The following DNAH11 variants were observed in gnomAD, a reference collection of about 807,000 sequenced individuals.
The protein encoded by DNAH11 is dynein axonemal heavy chain 11.
Under a neutral mutation model 526.0 loss-of-function variants are expected in DNAH11, and 442 were observed. The ratio of observed to expected loss-of-function variants is 0.84; its 90% CI spans 0.78 to 0.91. The LOEUF (loss-of-function observed/expected upper bound fraction) is 0.91, where lower values mean the gene tolerates loss of function less well. Ranked by LOEUF, DNAH11 falls within the 40% of genes least tolerant of loss-of-function variation. DNAH11 has a pLI of 0.00. For missense variants in DNAH11, 6,989 were observed against 5,448.7 expected (o/e 1.28, Z -8.90); for synonymous variants, 2,461 against 1,935.9 (o/e 1.27, Z -7.12).
intron 51 of DNAH11, among the ~76,000 whole-genome samples, chr7:21,746,670 A>G (rs1786166006): frequency 6.6e-6 from 1 of 152,150 alleles, no homozygotes; most frequent in African/African-American, 2.4e-5. Flanking sequence ...CAGTTTTTAG[A>G]AGAATTAATC....
At chr7:21,807,225 G>A (rs997292955) in intron 62 of DNAH11, among the ~76,000 whole-genome samples, 12 of 152,186 alleles carry the variant, frequency 7.9e-5, no homozygotes, top group Admixed American at 2.6e-4. Context: ...CAGGCCAGGT[G>A]CGGTGGCTCA....
At chr7:21,606,314 C>A in intron 18 of DNAH11, 112 bp from the exon 19 acceptor site, 1 of 898,150 alleles carries the variant, frequency 1.1e-6, no homozygotes, top group African/African-American at 1.7e-5. Context: ...TAGAGCCAGA[C>A]CTTGTCTCAA....
chr7:21,560,946 C>T (rs757397201), intron 4 of DNAH11, 125 bp from the exon 5 acceptor site: 16 of 645,220 alleles, frequency 2.5e-5, no homozygotes, highest in Admixed American at 2.1e-4. Context: ...CCAGATATAA[C>T]TTTGAGTGTT....
intron 14 of DNAH11, 55 bp from the exon 15 acceptor site, chr7:21,599,732 G>C: frequency 7.6e-7 from 1 of 1,311,872 alleles, no homozygotes; most frequent in Non-Finnish European, 1.0e-6. Context: ...GAGAGTTTTA[G>C]TTTTTATGCT....
chr7:21,782,353 G>T (rs1350938645), intron 57 of DNAH11, among the ~76,000 whole-genome samples: 1 of 152,156 alleles, frequency 6.6e-6, no homozygotes, highest in African/African-American at 2.4e-5. Context: ...CACTGCCTAG[G>T]AGCCACTGGG....
chr7:21,546,808 C>G (rs1443543309), intron 2 of DNAH11, among the ~76,000 whole-genome samples: 1 of 152,156 alleles, frequency 6.6e-6, no homozygotes, highest in African/African-American at 2.4e-5. Context: ...GGGCCCCATC[C>G]TTGGAAATTC....
rs185948815 is a variant in DNAH11, at chr7:21,699,892, A to T, written c.6180+1679A>T. 1.1e-4 allele frequency among the ~76,000 whole-genome samples: 17 copies of T among 152,244 alleles called. No individual in the cohort carries two copies. In the East Asian group the frequency reaches 3.3e-3, roughly 29 times the overall value. Reference sequence around the variant, plus strand: ...ATGTGTAAGATTCAAAACAAATGAAACAAACACCCAGATTTCTGACTTTGA... The same window carrying T: ...ATGTGTAAGATTCAAAACAAATGAATCAAACACCCAGATTTCTGACTTTGA... On this transcript the variant is annotated intron_variant, in intron 36 of 81. Coordinates refer to ENST00000409508, the MANE Select transcript of DNAH11 (RefSeq NM_001277115.2).
At chr7:21,544,657 A>T (rs1213718327) in intron 1 of DNAH11, among the ~76,000 whole-genome samples, 1 of 140,602 alleles carries the variant, frequency 7.1e-6, no homozygotes, top group African/African-American at 2.6e-5. Context: ...AGAAGAGTAT[A>T]AAAAATAACC....
At chr7:21,886,627 C>T (rs888741936) in intron 76 of DNAH11, among the ~76,000 whole-genome samples, 1 of 151,596 alleles carries the variant, frequency 6.6e-6, no homozygotes, top group African/African-American at 2.4e-5. Flanking sequence ...GCTGATTTCT[C>T]CGAATGATGG....
chr7:21,807,155 C>G (rs1400789704), intron 62 of DNAH11, among the ~76,000 whole-genome samples: 1 of 152,076 alleles, frequency 6.6e-6, no homozygotes, highest in Admixed American at 6.6e-5. Context: ...AAAAGTTTGA[C>G]TAGGGCAGTG....
chr7:21,786,804 A>G (rs931953451), intron 59 of DNAH11, 37 bp downstream of exon 59: 1 of 1,611,474 alleles, frequency 6.2e-7, no homozygotes, highest in Admixed American at 1.7e-5. Context: ...AATCCTGATA[A>G]TTTCCATACT....
intron 34 of DNAH11, 65 bp downstream of exon 34, chr7:21,687,592 C>T (rs1783435680): frequency 6.5e-7 from 1 of 1,541,624 alleles, no homozygotes; most frequent in African/African-American, 1.4e-5. Flanking sequence ...AGGTAACCTC[C>T]CCTTCACTGT....
intron 45 of DNAH11, among the ~76,000 whole-genome samples, chr7:21,730,733 G>T (rs368116954): frequency 1.3e-5 from 2 of 152,158 alleles, no homozygotes; most frequent in Non-Finnish European, 2.9e-5. Context: ...CAAAATTTCA[G>T]TTAGGAGAAA....
chr7:21,644,986 T>C (rs949926006), intron 28 of DNAH11, among the ~76,000 whole-genome samples: 1 of 152,256 alleles, frequency 6.6e-6, no homozygotes, highest in East Asian at 1.9e-4. Context: ...CAATTTTTTC[T>C]TCATTTTGCA....
intron 51 of DNAH11, among the ~76,000 whole-genome samples, chr7:21,745,823 T>A (rs1426624645): frequency 1.3e-5 from 2 of 152,160 alleles, no homozygotes; most frequent in East Asian, 1.9e-4. Context: ...TGGGCATCCC[T>A]GTGAAGAGGT....
intron 20 of DNAH11, among the ~76,000 whole-genome samples, chr7:21,613,690 C>T (rs1229063689): frequency 6.6e-6 from 1 of 152,090 alleles, no homozygotes; most frequent in Admixed American, 6.5e-5. Context: ...GTTCTCACCA[C>T]AAAAAGTGTG....
intron 65 of DNAH11, among the ~76,000 whole-genome samples, chr7:21,827,054 CAATA>C (rs1332158262): frequency 1.3e-5 from 2 of 152,094 alleles, no homozygotes; most frequent in Non-Finnish European, 2.9e-5. Flanking sequence ...CCCTGTGGAC[CAATA>C]CATCAGCCCA....
At chr7:21,748,901 G>A (rs915416740) in intron 52 of DNAH11, among the ~76,000 whole-genome samples, 159 bp downstream of exon 52, 9 of 152,116 alleles carry the variant, frequency 5.9e-5, no homozygotes, top group South Asian at 2.1e-4. Flanking sequence ...GACCTTTGGC[G>A]GTTTTGCCTT....
At chr7:21,602,094 C>G (rs1005992949) in intron 18 of DNAH11, among the ~76,000 whole-genome samples, 11 of 152,036 alleles carry the variant, frequency 7.2e-5, no homozygotes, top group African/African-American at 2.7e-4. Context: ...AATCCCAGCA[C>G]TGTGAGAGGC....
Sources: allele counts gnomAD v4.1 joint callset (sites outside exome capture counted in the v4.1 genomes callset), GRCh38; gene constraint gnomAD v4.1.1; transcripts MANE v1.5; gene names NCBI Gene and HGNC (gene_info 2026-07-23, HGNC 2026-07-21).